PAX5: variants seen among roughly 807,000 people sequenced by gnomAD.
PAX5 encodes the protein paired box 5.
PAX5 carries 9 observed loss-of-function variants against 43.7 expected under a neutral mutation model. The observed-to-expected ratio is 0.21, with a 90% CI of 0.12 to 0.36. The LOEUF (loss-of-function observed/expected upper bound fraction) is 0.36, where lower values mean the gene tolerates loss of function less well. Ranked by LOEUF, PAX5 falls within the 10% of genes least tolerant of loss-of-function variation. The pLI, the probability that PAX5 is intolerant of heterozygous loss-of-function variation, is 1.00. For synonymous variants in PAX5, 228 were observed against 214.3 expected, an observed-to-expected ratio of 1.06 and a Z score of -0.56; for missense variants, 383 against 532.7, an observed-to-expected ratio of 0.72 and a Z score of 2.77.
intron 1 of PAX5, among the ~76,000 whole-genome samples, chr9:37,032,839 C>T (rs1841117325): frequency 6.6e-6 from 1 of 152,232 alleles, no homozygotes; most frequent in Non-Finnish European, 1.5e-5. Flanking sequence ...ATCCTGCTAC[C>T]TACTTCTCAG....
At chr9:36,943,567 C>CACACACACACAG in intron 6 of PAX5, among the ~76,000 whole-genome samples, 2 of 151,308 alleles carry the variant, frequency 1.3e-5, no homozygotes, top group African/African-American at 4.9e-5. Flanking sequence ...CACACACACA[C>CACACACACACAG]AGCTACATAT....
chr9:36,932,260 C>T (rs1468877938), intron 6 of PAX5, among the ~76,000 whole-genome samples: 3 of 152,016 alleles, frequency 2.0e-5, no homozygotes, highest in Non-Finnish European at 4.4e-5. Context: ...GCGACCTTGT[C>T]TCAAAAAAAT....
intron 7 of PAX5, among the ~76,000 whole-genome samples, chr9:36,920,052 C>T (rs1221767728): frequency 6.6e-6 from 1 of 152,002 alleles, no homozygotes; most frequent in Non-Finnish European, 1.5e-5. Flanking sequence ...TGAAGATGTA[C>T]TGAATTGCTG....
At chr9:37,002,460 CCTGT>C (rs1837965094) in intron 5 of PAX5, among the ~76,000 whole-genome samples, 184 bp downstream of exon 5, 1 of 152,248 alleles carries the variant, frequency 6.6e-6, no homozygotes, top group Admixed American at 6.5e-5. Context: ...CACCCTGCTG[CCTGT>C]CTGTCTTGCG....
chr9:36,974,068 T>TGGG (rs1279742401), intron 5 of PAX5, among the ~76,000 whole-genome samples: 1 of 152,012 alleles, frequency 6.6e-6, no homozygotes, highest in Non-Finnish European at 1.5e-5. Flanking sequence ...TAGTCCCAGC[T>TGGG]ACTTGAGAGG....
intron 8 of PAX5, 23 bp from the exon 9 acceptor site, chr9:36,846,952 G>A (rs750913142): frequency 5.8e-6 from 9 of 1,553,140 alleles, no homozygotes; most frequent in East Asian, 2.2e-5. Context: ...GGTGGAGAGA[G>A]AAACAGGAAC....
intron 8 of PAX5, among the ~76,000 whole-genome samples, chr9:36,881,300 C>T (rs1826390013): frequency 6.6e-6 from 1 of 152,130 alleles, no homozygotes; most frequent in African/African-American, 2.4e-5. Context: ...CCAGTGGAGG[C>T]CCGATTTTCC....
At chr9:36,948,341 G>A (rs539037139) in intron 6 of PAX5, among the ~76,000 whole-genome samples, 4 of 152,156 alleles carry the variant, frequency 2.6e-5, no homozygotes, top group Admixed American at 6.5e-5. Flanking sequence ...CGAGAGGGAC[G>A]GGACACATTC....
chr9:36,893,274 C>T (rs766158471), intron 7 of PAX5, among the ~76,000 whole-genome samples: 2 of 152,226 alleles, frequency 1.3e-5, no homozygotes, highest in Admixed American at 6.5e-5. Flanking sequence ...AGGAACTTCT[C>T]GCGTTCAAGG....
At chr9:36,963,521 C>T (rs1834146582) in intron 6 of PAX5, among the ~76,000 whole-genome samples, 1 of 152,208 alleles carries the variant, frequency 6.6e-6, no homozygotes, top group Non-Finnish European at 1.5e-5. Flanking sequence ...GCACGCTGCC[C>T]CTGCGAGACT....
intron 5 of PAX5, among the ~76,000 whole-genome samples, chr9:36,983,879 A>C (rs1172793413): frequency 6.6e-6 from 1 of 152,220 alleles, no homozygotes; most frequent in East Asian, 1.9e-4. Context: ...TGTCTTGCTA[A>C]AAAGGGTATA....
intron 5 of PAX5, among the ~76,000 whole-genome samples, chr9:36,967,645 C>T (rs1475976073): frequency 2.6e-5 from 4 of 152,134 alleles, no homozygotes; most frequent in East Asian, 3.8e-4. Flanking sequence ...GAAAATAAGA[C>T]GATGTGCAAT....
chr9:36,983,172 A>C (rs1238340075), intron 5 of PAX5, among the ~76,000 whole-genome samples: 1 of 152,208 alleles, frequency 6.6e-6, no homozygotes, highest in Non-Finnish European at 1.5e-5. Context: ...TTTCATTTAC[A>C]CTAACTTTTC....
intron 5 of PAX5, among the ~76,000 whole-genome samples, chr9:37,001,114 C>T (rs1235312433): frequency 2.6e-5 from 4 of 152,366 alleles, no homozygotes; most frequent in Admixed American, 1.3e-4. Context: ...ATTCTGACCA[C>T]GCTATACCTT....
At chr9:36,840,751 C>T (rs934997905) in intron 9 of PAX5, 115 bp from the exon 10 acceptor site, 2 of 655,338 alleles carry the variant, frequency 3.1e-6, no homozygotes, top group African/African-American at 3.6e-5. Context: ...CCTCTCTCAC[C>T]AAGATCTCTG....
At chr9:36,879,016 G>A (rs897264386) in intron 8 of PAX5, among the ~76,000 whole-genome samples, 2 of 152,306 alleles carry the variant, frequency 1.3e-5, no homozygotes, top group East Asian at 1.9e-4. Context: ...AGAGAGAGAA[G>A]GAAGAAGTCA....
At chr9:36,866,431 G>A (rs1355792850) in intron 8 of PAX5, among the ~76,000 whole-genome samples, 2 of 152,198 alleles carry the variant, frequency 1.3e-5, no homozygotes, top group Non-Finnish European at 2.9e-5. Flanking sequence ...GCCCACCGTT[G>A]CCTGGATCCA....
intron 7 of PAX5, among the ~76,000 whole-genome samples, chr9:36,898,863 G>T (rs911377014): frequency 3.3e-5 from 5 of 151,996 alleles, no homozygotes; most frequent in Non-Finnish European, 5.9e-5. Flanking sequence ...TAACACCCCT[G>T]GGGCAGAGTC....
At chr9:37,003,546 A>C (rs540053281) in intron 4 of PAX5, among the ~76,000 whole-genome samples, 46 of 152,316 alleles carry the variant, frequency 3.0e-4, no homozygotes, top group African/African-American at 1.0e-3. Flanking sequence ...ACAGCTAATA[A>C]GAGGCAGAGT....
Sources: gnomAD v4.1 joint callset for allele counts (sites outside exome capture counted in the v4.1 genomes callset) on GRCh38, gnomAD v4.1.1 for gene constraint, MANE v1.5 for transcripts, NCBI Gene and HGNC (gene_info 2026-07-23, HGNC 2026-07-21) for gene names.